Variants in ZDHHC20 observed in about 807,000 individuals in gnomAD.
ZDHHC20 encodes the protein zDHHC palmitoyltransferase 20, also known as palmitoyltransferase ZDHHC20.
ZDHHC20 carries 43 observed loss-of-function variants against 57.8 expected under a neutral mutation model. The ratio of observed to expected loss-of-function variants is 0.74; its 90% CI spans 0.58 to 0.96. The LOEUF (loss-of-function observed/expected upper bound fraction) is 0.96. Among genes scored for constraint, ZDHHC20 ranks in the 40% least tolerant of loss-of-function variants. ZDHHC20 has a pLI of 0.00. For synonymous variants in ZDHHC20, 157 were observed against 153.0 expected, an observed-to-expected ratio of 1.03 and a Z score of -0.19; for missense variants, 391 against 441.1, an observed-to-expected ratio of 0.89 and a Z score of 1.02.
chr13:21,413,894 T>C, intron 3 of ZDHHC20, 122 bp from the exon 4 acceptor site: 1 of 758,900 alleles, frequency 1.3e-6, no homozygotes, highest in South Asian at 2.0e-5. Flanking sequence ...AAAACTTGTC[T>C]TCAAAAAAAA....
At chr13:21,453,511 C>T (rs1884646539) in intron 1 of ZDHHC20, among the ~76,000 whole-genome samples, 1 of 152,216 alleles carries the variant, frequency 6.6e-6, no homozygotes, top group Non-Finnish European at 1.5e-5. Context: ...CAATACATTG[C>T]TGAGTACAGA....
rs1593212671 is a variant in ZDHHC20 at position 21,402,689 on chromosome 13, G to C, written c.440+108C>G. On this transcript the variant is annotated intron_variant, in intron 5 of 12. Coordinates refer to ENST00000400590, the MANE Select transcript of ZDHHC20 (RefSeq NM_001330059.2). ...TGCACAGCAAATAATGGGAGAGGAT[G>C]AAGTGTTCTTGTCAAGTGTAAAGCA... is the stretch of plus-strand genomic sequence containing the variant. 6 of 870,328 alleles carry C rather than the reference G, an allele frequency of 6.9e-6. No individual in the cohort carries two copies. The East Asian group carries it at 1.6e-4, about 23-fold the overall frequency. The allele number at this position is 870,328 out of a possible 1,614,324, so 53.9% of individuals were successfully genotyped here. A position where few individuals can be genotyped will look rare whatever the true frequency, so the allele number is the denominator to read the frequency against.
At chr13:21,457,882 T>G (rs905299099) in intron 1 of ZDHHC20, among the ~76,000 whole-genome samples, 3 of 152,218 alleles carry the variant, frequency 2.0e-5, no homozygotes, top group African/African-American at 7.2e-5. Context: ...AAAGAACACT[T>G]AACAGTCCTT....
At chr13:21,437,134 C>T (rs985779252) in intron 1 of ZDHHC20, among the ~76,000 whole-genome samples, 1 of 152,178 alleles carries the variant, frequency 6.6e-6, no homozygotes, top group Non-Finnish European at 1.5e-5. Flanking sequence ...GAGCAAAGTC[C>T]TAACTCTCTT....
chr13:21,378,647 T>C lies in ZDHHC20; in HGVS notation c.*40+14A>G. ...AGCTGCATTTATTCAAGGATTACCT[T>C]TATACTGTCTTACCTTGCTCTTATT... On this transcript the variant is annotated intron_variant, in intron 12 of 12. Transcript: ENST00000400590. The C allele has an allele frequency of 7.5e-7, 1 of 1,336,982 alleles. No homozygotes were observed. The highest frequency in any genetic ancestry group is 2.0e-5 in the South Asian group (1 of 49,510). The allele number at this position is 1,336,982 out of a possible 1,614,324, so 82.8% of individuals were successfully genotyped here.
intron 8 of ZDHHC20, among the ~76,000 whole-genome samples, chr13:21,387,907 T>C (rs1424546833): frequency 6.6e-6 from 1 of 152,150 alleles, no homozygotes; most frequent in East Asian, 1.9e-4. Context: ...TCAGTATCTC[T>C]TGGCTTTTTT....
chr13:21,459,187 G>A lies in ZDHHC20; in HGVS notation c.-16C>T. On this transcript the variant is annotated 5_prime_UTR_variant, in exon 1 of 13. Transcript: ENST00000400590. ...AGGGCGCCATGTTCCGCTGGCGGCT[G>A]CCGAGCCCCGCGTCCCACCGTTCTG... 1 of 1,585,156 alleles carries A rather than the reference G, an allele frequency of 6.3e-7. No homozygotes were observed. The highest frequency in any genetic ancestry group is 1.1e-5 in the South Asian group (1 of 87,706).
chr13:21,387,710 CT>C (rs1874824785), intron 8 of ZDHHC20, 76 bp from the exon 9 acceptor site: 1 of 913,360 alleles, frequency 1.1e-6, no homozygotes, highest in South Asian at 4.6e-5. Context: ...TACCAATTTT[CT>C]TGCTTATATC....
intron 12 of ZDHHC20, 27 bp downstream of exon 12, chr13:21,378,634 T>C (rs956632746): frequency 5.7e-6 from 7 of 1,232,064 alleles, no homozygotes; most frequent in Non-Finnish European, 7.5e-6. Flanking sequence ...CTGCATTTAT[T>C]CAAGGATTAC....
In ZDHHC20 at chr13:21,374,523, C is replaced by T; in HGVS notation, c.*2173G>A. 1 of 425,854 alleles carries T rather than the reference C, an allele frequency of 2.3e-6. No individual in the cohort carries two copies. 26.4% of individuals were successfully genotyped at this position (425,854 alleles called of 1,614,324 possible). ...GTGCTGGGATTACAGGCATGAGCCA[C>T]CACACCCAGCAATAATTGGTATCTC... is the stretch of plus-strand genomic sequence containing the variant. On this transcript the variant is annotated 3_prime_UTR_variant, in exon 13 of 13. Transcript: ENST00000400590.
At chr13:21,424,484 CGA>C (rs1881021626) in intron 2 of ZDHHC20, among the ~76,000 whole-genome samples, 1 of 152,038 alleles carries the variant, frequency 6.6e-6, no homozygotes, top group South Asian at 2.1e-4. Flanking sequence ...CAGAGGCAGG[CGA>C]ATCACGAGGT....
chr13:21,447,492 C>T (rs989359007), intron 1 of ZDHHC20, among the ~76,000 whole-genome samples: 6 of 145,998 alleles, frequency 4.1e-5, no homozygotes, highest in Non-Finnish European at 7.6e-5. Context: ...CTGTGTTGGC[C>T]GGGCCGGTCT....
At position 21,402,872 on chromosome 13, in the gene ZDHHC20, T is replaced by C. The variant is rs1352831631; in HGVS notation, c.371-6A>G. Reference sequence around the variant, plus strand: ...TTTTTCACAATATCTGATAGCTACATGAAAGAAGTAAAAGGAAGATGCTGA... The same window carrying C: ...TTTTTCACAATATCTGATAGCTACACGAAAGAAGTAAAAGGAAGATGCTGA... On this transcript the variant is annotated splice_polypyrimidine_tract_variant and splice_region_variant and intron_variant, in intron 4 of 12. Transcript: ENST00000400590. 1.9e-6 allele frequency: 3 copies of C among 1,583,138 alleles called. No homozygotes were observed. The highest frequency in any genetic ancestry group is 2.7e-5 in the African/African-American group (2 of 74,372).
rs1433795200 is a variant in ZDHHC20 at position 21,374,780 on chromosome 13, G to A, written c.*1916C>T. 1 of 270,174 alleles carries A rather than the reference G, an allele frequency of 3.7e-6. No homozygotes were observed. 16.7% of individuals were successfully genotyped at this position (270,174 alleles called of 1,614,324 possible). ...CAGTAGCAACCATAAAATTTATGCTGTACTAGGAAATGACAGAGCTATTCC... is the reference window on the plus strand; with the variant it reads ...CAGTAGCAACCATAAAATTTATGCTATACTAGGAAATGACAGAGCTATTCC... On this transcript the variant is annotated 3_prime_UTR_variant, in exon 13 of 13. Coordinates refer to ENST00000400590, the MANE Select transcript of ZDHHC20 (RefSeq NM_001330059.2).
Position 21,442,744 on chromosome 13 carries a change from G to A in ZDHHC20, c.118+16310C>T, listed in dbSNP as rs1486526520. 7.3e-5 allele frequency among the ~76,000 whole-genome samples: 11 copies of A among 151,632 alleles called. No individual in the cohort carries two copies. The East Asian group carries it at 2.1e-3, about 29-fold the overall frequency. ...GACTCCAGCCTGGACGACAGAGCGA[G>A]ACTCTATCTCAAAAAAAAAAACAAA... On this transcript the variant is annotated intron_variant, in intron 1 of 12. Transcript: ENST00000400590.
intron 1 of ZDHHC20, among the ~76,000 whole-genome samples, chr13:21,453,601 A>C (rs1884654593): frequency 6.6e-6 from 1 of 152,204 alleles, no homozygotes; most frequent in African/African-American, 2.4e-5. Flanking sequence ...AATACATTTT[A>C]AAGGATTTAA....
chr13:21,433,697 C>T (rs904364256), intron 1 of ZDHHC20, among the ~76,000 whole-genome samples: 1 of 152,182 alleles, frequency 6.6e-6, no homozygotes, highest in South Asian at 2.1e-4. Flanking sequence ...AGATCCAGTG[C>T]TGGCTGATGC....
intron 4 of ZDHHC20, among the ~76,000 whole-genome samples, chr13:21,412,565 C>T (rs780581242): frequency 3.9e-5 from 6 of 151,976 alleles, no homozygotes; most frequent in Admixed American, 2.6e-4. Flanking sequence ...AATGACAAAA[C>T]GCCACTGATC....
intron 3 of ZDHHC20, among the ~76,000 whole-genome samples, chr13:21,416,030 C>CG (rs1199972757): frequency 6.6e-6 from 1 of 151,598 alleles, no homozygotes; most frequent in Non-Finnish European, 1.5e-5. Context: ...ATGAAACCCC[C>CG]GCCTCTACTA....
Sources: allele counts gnomAD v4.1 joint callset (sites outside exome capture counted in the v4.1 genomes callset), GRCh38; gene constraint gnomAD v4.1.1; transcripts MANE v1.5; gene names NCBI Gene and HGNC (gene_info 2026-07-23, HGNC 2026-07-21).